Variants in RPTOR observed in about 807,000 individuals in gnomAD.
The protein encoded by RPTOR is regulatory-associated protein of mTOR.
Under a neutral mutation model 169.9 loss-of-function variants are expected in RPTOR, and 21 were observed. The ratio of observed to expected loss-of-function variants is 0.12; its 90% CI spans 0.09 to 0.18. The LOEUF (loss-of-function observed/expected upper bound fraction) is 0.18. RPTOR is among the 10% of genes least tolerant of loss of function. The probability of loss-of-function intolerance (pLI) is 1.00; values close to 1 mark genes in which losing one functional copy is unlikely to be tolerated. For missense variants in RPTOR, 1,133 were observed against 1,855.9 expected (o/e 0.61, Z 7.16); for synonymous variants, 732 against 753.2 (o/e 0.97, Z 0.46).
intron 6 of RPTOR, among the ~76,000 whole-genome samples, chr17:80,789,329 G>T (rs1598304902): frequency 6.6e-6 from 1 of 152,124 alleles, no homozygotes; most frequent in South Asian, 2.1e-4. Context: ...TTCGTTATAG[G>T]ACTAGGCTCT....
chr17:80,713,694 G>A (rs2143125038), intron 4 of RPTOR, among the ~76,000 whole-genome samples: 1 of 152,280 alleles, frequency 6.6e-6, no homozygotes, highest in African/African-American at 2.4e-5. Flanking sequence ...ACTGCAAGAT[G>A]AGGAGTATTA....
At chr17:80,771,568 C>T (rs1378790240) in intron 6 of RPTOR, among the ~76,000 whole-genome samples, 2 of 152,142 alleles carry the variant, frequency 1.3e-5, no homozygotes, top group Non-Finnish European at 2.9e-5. Flanking sequence ...TAGAACGCCC[C>T]CTCTCCTTCC....
rs945407235 is a variant in RPTOR, at chr17:80,665,010, C to T, written c.348+21200C>T. 1.1e-4 allele frequency among the ~76,000 whole-genome samples: 17 copies of T among 152,300 alleles called. 1 individual carries two copies. The highest frequency in any genetic ancestry group is 6.2e-4 in the South Asian group (3 of 4,828). On this transcript the variant is annotated intron_variant, in intron 3 of 33. Coordinates refer to ENST00000306801, the MANE Select transcript of RPTOR (RefSeq NM_020761.3). ...GCTTCTGTCCTCTGTATTCTCCCCA[C>T]CCCTTTCTCCCTCCTTTCTTCCCTC...
At chr17:80,547,084 A>C (rs2084285695) in intron 1 of RPTOR, among the ~76,000 whole-genome samples, 1 of 152,128 alleles carries the variant, frequency 6.6e-6, no homozygotes, top group Non-Finnish European at 1.5e-5. Flanking sequence ...TAAATAAATA[A>C]ATAAAACTTC....
intron 4 of RPTOR, among the ~76,000 whole-genome samples, chr17:80,727,811 A>G (rs1234311151): frequency 1.3e-5 from 2 of 152,120 alleles, no homozygotes; most frequent in African/African-American, 2.4e-5. Flanking sequence ...AAGTATTTCT[A>G]TAGGATGGAT....
In RPTOR at chr17:80,726,551, C is replaced by G. The variant is rs903738542; in HGVS notation, c.508-4009C>G. 6.6e-6 allele frequency among the ~76,000 whole-genome samples: 1 copy of G among 152,176 alleles called. No individual in the cohort carries two copies. The highest frequency in any genetic ancestry group is 2.4e-5 in the African/African-American group (1 of 41,436). On this transcript the variant is annotated intron_variant, in intron 4 of 33. Coordinates refer to ENST00000306801, the MANE Select transcript of RPTOR (RefSeq NM_020761.3). This position sits in a 1 kb window ranked among gnomAD's most constrained non-coding sequence, Gnocchi z 4.5. ...CAGCTCAAAAAGCAAGACCTGAGAA[C>G]ATGGTGTGTTAAAATATCTTTCATT...
At chr17:80,604,122 A>G (rs571359097) in intron 1 of RPTOR, among the ~76,000 whole-genome samples, 2 of 152,340 alleles carry the variant, frequency 1.3e-5, no homozygotes, top group African/African-American at 4.8e-5. Context: ...GGGGAATAAA[A>G]ACCTGAAAAC....
Position 80,730,603 on chromosome 17 carries a change from C to A in RPTOR, c.551C>A (p.Thr184Lys). The A allele has an allele frequency of 6.2e-7, 1 of 1,614,142 alleles. No homozygotes were observed. The stretch of plus-strand genomic sequence containing the variant: ...CCTCTGTCCATATATGACCTGCAGA[C>A]GTGGATGGGCAGCCCGTCGATCTTC... ...YIPLSIYDLQ[T>K]WMGSPSIFVY... The change falls in exon 5 of 34, where the codon ACG becomes AAG. Residue 184 changes from threonine to lysine, a missense_variant. By Grantham distance (78) the Thr-to-Lys change is moderately conservative. Transcript: ENST00000306801. This position sits in a 1 kb window ranked among gnomAD's most constrained non-coding sequence, Gnocchi z 4.2.
intron 1 of RPTOR, among the ~76,000 whole-genome samples, chr17:80,554,339 T>C (rs1332433529): frequency 6.6e-6 from 1 of 152,210 alleles, no homozygotes; most frequent in Non-Finnish European, 1.5e-5. Context: ...ATATTCTCAA[T>C]TATTTGGATA....
chr17:80,774,450 C>G (rs1289864185), intron 6 of RPTOR: 1 of 704,036 alleles, frequency 1.4e-6, no homozygotes, highest in Non-Finnish European at 1.7e-6. Flanking sequence ...CATAAAACAT[C>G]ACTGTGTTAC....
At chr17:80,657,904 C>A (rs1187830148) in intron 3 of RPTOR, among the ~76,000 whole-genome samples, 1 of 152,094 alleles carries the variant, frequency 6.6e-6, no homozygotes, top group Admixed American at 6.6e-5. Flanking sequence ...TTGCATTAAG[C>A]AGTTTAAAAA....
At position 80,659,660 on chromosome 17, in the gene RPTOR, G is replaced by C. The variant is rs9319607; in HGVS notation, c.348+15850G>C. Among the ~76,000 whole-genome samples the C allele has an allele frequency of 0.99, 149,978 of 152,224 alleles. 73,898 individuals carry two copies. Among genetic ancestry groups the C allele is most frequent in the East Asian group, 1 (5,142 of 5,148 alleles). The stretch of plus-strand genomic sequence containing the variant: ...TAGCTGGGACTACGGGCACGCACCA[G>C]CACACTCGGCTAATTTCTGTATTTT... On this transcript the variant is annotated intron_variant, in intron 3 of 33. Coordinates refer to ENST00000306801, the MANE Select transcript of RPTOR (RefSeq NM_020761.3). The surrounding 1 kb of genome is among the most constrained non-coding windows in gnomAD (Gnocchi z 4.3).
rs558221895 is a variant in RPTOR, at chr17:80,893,011, T to G, written c.2242+142T>G. The stretch of plus-strand genomic sequence containing the variant: ...GAAGTCCCATCTGCCAACATGGTGA[T>G]GAGTCACCCTTCCAGACGTGAGCAT... On this transcript the variant is annotated intron_variant, in intron 19 of 33. Coordinates refer to ENST00000306801, the MANE Select transcript of RPTOR (RefSeq NM_020761.3). The G allele has an allele frequency of 2.5e-4, 255 of 1,028,570 alleles. No individual in the cohort carries two copies. The Admixed American group carries it at 3.8e-3, about 15-fold the overall frequency. 63.7% of individuals were successfully genotyped at this position (1,028,570 alleles called of 1,614,324 possible).
intron 1 of RPTOR, among the ~76,000 whole-genome samples, chr17:80,565,452 G>T (rs1223444513): frequency 6.6e-6 from 1 of 152,218 alleles, no homozygotes; most frequent in Non-Finnish European, 1.5e-5. Context: ...ACTGAAGGAG[G>T]CCACAGTAAA....
At chr17:80,602,880 G>A in intron 1 of RPTOR, 1 of 484,256 alleles carries the variant, frequency 2.1e-6, no homozygotes. Context: ...CTCGCTGATT[G>A]CAGAATGGCC....
chr17:80,640,814 C>T (rs2065547585), intron 2 of RPTOR, among the ~76,000 whole-genome samples: 1 of 152,240 alleles, frequency 6.6e-6, no homozygotes, highest in Non-Finnish European at 1.5e-5. Flanking sequence ...CCTTCTTCCT[C>T]TGTCCGTGGT....
chr17:80,639,366 C>G (rs376872762), intron 2 of RPTOR, among the ~76,000 whole-genome samples: 1 of 151,906 alleles, frequency 6.6e-6, no homozygotes, highest in Non-Finnish European at 1.5e-5. Flanking sequence ...CTGGATGGGG[C>G]TTTCAGTGTG....
intron 1 of RPTOR, among the ~76,000 whole-genome samples, chr17:80,585,841 A>G (rs1202231136): frequency 6.6e-6 from 1 of 152,170 alleles, no homozygotes; most frequent in African/African-American, 2.4e-5. Flanking sequence ...TGTTAAACCA[A>G]TTCTGTAGTG....
intron 6 of RPTOR, among the ~76,000 whole-genome samples, chr17:80,783,672 G>A (rs545405308): frequency 5.9e-5 from 9 of 152,338 alleles, no homozygotes; most frequent in East Asian, 3.9e-4. Flanking sequence ...CAATGGGGCC[G>A]TAGCCCAGAA....
Sources: allele counts gnomAD v4.1 joint callset (sites outside exome capture counted in the v4.1 genomes callset), GRCh38; gene constraint gnomAD v4.1.1; non-coding constraint Gnocchi (gnomAD v3.1); transcripts MANE v1.5; gene names NCBI Gene and HGNC (gene_info 2026-07-23, HGNC 2026-07-21).